Variants in PARD3B observed in about 807,000 individuals in gnomAD.
The protein encoded by PARD3B is partitioning defective 3 homolog B.
A neutral mutation model predicts 130.2 loss-of-function variants in PARD3B; 103 were observed. The ratio of observed to expected loss-of-function variants is 0.79; its 90% CI spans 0.67 to 0.93. PARD3B has a LOEUF of 0.93. PARD3B is among the 40% of genes least tolerant of loss of function. The pLI is 0.00. For missense variants in PARD3B, 1,609 were observed against 1,499.2 expected, an observed-to-expected ratio of 1.07 and a Z score of -1.21; for synonymous variants, 583 against 553.2, an observed-to-expected ratio of 1.05 and a Z score of -0.76.
intron 2 of PARD3B, among the ~76,000 whole-genome samples, chr2:204,687,277 T>G (rs1043815369): frequency 5.3e-5 from 8 of 152,174 alleles, no homozygotes; most frequent in Non-Finnish European, 8.8e-5. Flanking sequence ...ATACATTTAC[T>G]TTTCATATTT....
intron 21 of PARD3B, among the ~76,000 whole-genome samples, chr2:205,518,892 C>G (rs571008537): frequency 6.6e-6 from 1 of 151,934 alleles, no homozygotes; most frequent in African/African-American, 2.4e-5. Flanking sequence ...TTTTTTCTTT[C>G]AGACACTTGA....
intron 3 of PARD3B, among the ~76,000 whole-genome samples, chr2:205,022,363 T>C (rs757533465): frequency 6.6e-6 from 1 of 152,214 alleles, no homozygotes; most frequent in Non-Finnish European, 1.5e-5. Flanking sequence ...ACAAATGATC[T>C]TTAGAAATGT....
chr2:204,854,479 C>T (rs10198208), intron 2 of PARD3B, among the ~76,000 whole-genome samples: 8,377 of 152,000 alleles, frequency 0.055, 478 homozygotes, highest in African/African-American at 0.14. Context: ...GTAATGATAA[C>T]GAAGCAGAAA....
At chr2:204,903,214 A>T (rs535175327) in intron 2 of PARD3B, among the ~76,000 whole-genome samples, 1 of 152,364 alleles carries the variant, frequency 6.6e-6, no homozygotes, top group South Asian at 2.1e-4. Flanking sequence ...TACTAGGATT[A>T]TGAGAGATGG....
chr2:205,387,702 G>A (rs938870742), intron 18 of PARD3B, among the ~76,000 whole-genome samples: 1 of 152,176 alleles, frequency 6.6e-6, no homozygotes, highest in African/African-American at 2.4e-5. Context: ...AAAAGGATTA[G>A]TTATTGGAGG....
rs546147647 is a variant in PARD3B at position 205,199,638 on chromosome 2, C to T, written c.2140+6318C>T. The stretch of plus-strand genomic sequence containing the variant: ...TTTAAAGCATGAAAAAGAAAGTGTG[C>T]GAGGTGGCCCATTGTTTTAAACCCC... On this transcript the variant is annotated intron_variant, in intron 15 of 22. Coordinates refer to ENST00000406610, the MANE Select transcript of PARD3B (RefSeq NM_001302769.2). 5.1e-4 allele frequency among the ~76,000 whole-genome samples: 78 copies of T among 152,106 alleles called. 1 individual carries two copies. The South Asian group carries it at 0.014, about 27-fold the overall frequency.
intron 2 of PARD3B, among the ~76,000 whole-genome samples, chr2:204,836,901 A>T (rs2044055404): frequency 6.6e-6 from 1 of 152,224 alleles, no homozygotes; most frequent in South Asian, 2.1e-4. Flanking sequence ...ATTTTATTAT[A>T]AAAGTGTTAT....
At chr2:204,840,743 G>T (rs558404544) in intron 2 of PARD3B, among the ~76,000 whole-genome samples, 2 of 151,976 alleles carry the variant, frequency 1.3e-5, no homozygotes, top group Admixed American at 6.6e-5. Context: ...GGTCAACCAC[G>T]GTCGCAAAGT....
At chr2:205,168,176 G>A (rs1048566597) in intron 11 of PARD3B, among the ~76,000 whole-genome samples, 4 of 151,974 alleles carry the variant, frequency 2.6e-5, no homozygotes, top group African/African-American at 9.7e-5. Flanking sequence ...CTCCTTTCTA[G>A]CTTGAGGATG....
intron 21 of PARD3B, among the ~76,000 whole-genome samples, chr2:205,529,376 T>A (rs1439144138): frequency 6.6e-6 from 1 of 152,210 alleles, no homozygotes. Context: ...AACCAAGTCA[T>A]CAGTTTAAGA....
At position 205,291,790 on chromosome 2, in the gene PARD3B, A is replaced by G. The variant is rs1262932685; in HGVS notation, c.2186-8740A>G. On this transcript the variant is annotated intron_variant, in intron 16 of 22. Transcript: ENST00000406610. The surrounding 1 kb of genome is among the most constrained non-coding windows in gnomAD (Gnocchi z 4.6). ...CTATCCATATTGAAAAGTCTGAAAAAGCCTGTTTGGGAAAGAATACTAAGG... is the reference window on the plus strand; with the variant it reads ...CTATCCATATTGAAAAGTCTGAAAAGGCCTGTTTGGGAAAGAATACTAAGG... 6.6e-6 allele frequency among the ~76,000 whole-genome samples: 1 copy of G among 152,200 alleles called. No homozygotes were observed. The highest frequency in any genetic ancestry group is 1.5e-5 in the Non-Finnish European group (1 of 68,026).
At position 205,352,556 on chromosome 2, in the gene PARD3B, T is replaced by C. The variant is rs2044033226; in HGVS notation, c.2631-48457T>C. On this transcript the variant is annotated intron_variant, in intron 18 of 22. Transcript: ENST00000406610. This position sits in a 1 kb window ranked among gnomAD's most constrained non-coding sequence, Gnocchi z 5.2. ...GACTATTTGCTTTGATTTACATCTATATCACCTTCAATTTAATATTTCACG... is the reference window on the plus strand; with the variant it reads ...GACTATTTGCTTTGATTTACATCTACATCACCTTCAATTTAATATTTCACG... Among the ~76,000 whole-genome samples the C allele has an allele frequency of 6.6e-6, 1 of 152,226 alleles. No homozygotes were observed. The highest frequency in any genetic ancestry group is 1.5e-5 in the Non-Finnish European group (1 of 68,032).
At chr2:204,548,737 T>C (rs1178472665) in intron 1 of PARD3B, among the ~76,000 whole-genome samples, 2 of 152,206 alleles carry the variant, frequency 1.3e-5, no homozygotes, top group Admixed American at 6.5e-5. Flanking sequence ...TTTTATGAGG[T>C]CTACATGTAG....
chr2:204,631,014 G>T (rs539679165), intron 1 of PARD3B, among the ~76,000 whole-genome samples: 2 of 152,058 alleles, frequency 1.3e-5, no homozygotes, highest in Admixed American at 1.3e-4. Flanking sequence ...GTTTGCTCTT[G>T]GTTCTCTGGT....
chr2:205,540,200 G>A (rs899625158), intron 21 of PARD3B, among the ~76,000 whole-genome samples: 1 of 151,632 alleles, frequency 6.6e-6, no homozygotes, highest in African/African-American at 2.4e-5. Context: ...TATATCCCGA[G>A]CAGAGTTCTT....
chr2:205,040,885 C>T (rs1448796542), intron 3 of PARD3B, among the ~76,000 whole-genome samples: 1 of 151,866 alleles, frequency 6.6e-6, no homozygotes, highest in South Asian at 2.1e-4. Flanking sequence ...AAAGGAAAAT[C>T]GAGACTCTGA....
At chr2:204,833,821 T>C (rs1427246101) in intron 2 of PARD3B, among the ~76,000 whole-genome samples, 1 of 152,112 alleles carries the variant, frequency 6.6e-6, no homozygotes, top group East Asian at 1.9e-4. Flanking sequence ...AACTGACTAG[T>C]ATACCTTTTC....
chr2:205,268,649 A>G lies in PARD3B; in HGVS notation c.2185+22827A>G, dbSNP rs1351847439. The stretch of plus-strand genomic sequence containing the variant: ...GTAAAAATACAGGTCTGGAAGTGGT[A>G]TATTTAAAATTTTACTTCTGAGATA... On this transcript the variant is annotated intron_variant, in intron 16 of 22. Transcript: ENST00000406610. This position sits in a 1 kb window ranked among gnomAD's most constrained non-coding sequence, Gnocchi z 4.1. 6.6e-6 allele frequency among the ~76,000 whole-genome samples: 1 copy of G among 152,210 alleles called. No homozygotes were observed. Among genetic ancestry groups the G allele is most frequent in the African/African-American group, 2.4e-5 (1 of 41,460 alleles).
chr2:205,351,539 C>CCAAG lies in PARD3B; in HGVS notation c.2631-49473_2631-49470dup, dbSNP rs1185572040. Among the ~76,000 whole-genome samples the CCAAG allele has an allele frequency of 1.3e-5, 2 of 152,048 alleles. No individual in the cohort carries two copies. The highest frequency in any genetic ancestry group is 4.8e-5 in the African/African-American group (2 of 41,406). On this transcript the variant is annotated intron_variant, in intron 18 of 22. Coordinates refer to ENST00000406610, the MANE Select transcript of PARD3B (RefSeq NM_001302769.2). The surrounding 1 kb of genome is among the most constrained non-coding windows in gnomAD (Gnocchi z 4.2). Reference sequence around the variant, plus strand: ...TGAGAGGCGAGGAAGAAAGCCACAGCCAAGACTTGGGAGATTTCAGGAAAT... The same window carrying CCAAG: ...TGAGAGGCGAGGAAGAAAGCCACAGCCAAGCAAGACTTGGGAGATTTCAGGAAAT...
Sources: allele counts gnomAD v4.1 joint callset (sites outside exome capture counted in the v4.1 genomes callset), GRCh38; gene constraint gnomAD v4.1.1; non-coding constraint Gnocchi (gnomAD v3.1); transcripts MANE v1.5; gene names NCBI Gene and HGNC (gene_info 2026-07-23, HGNC 2026-07-21).